The following DOCK2 variants were observed in gnomAD, a reference collection of about 807,000 sequenced individuals.
DOCK2 encodes the protein dedicator of cytokinesis protein 2.
DOCK2 carries 87 observed loss-of-function variants against 248.9 expected under a neutral mutation model. The ratio of observed to expected loss-of-function variants is 0.35; its 90% confidence interval spans 0.29 to 0.42. DOCK2 has a LOEUF of 0.42. Among genes scored for constraint, DOCK2 ranks in the 10% least tolerant of loss-of-function variants. DOCK2 has a pLI of 1.00. For missense variants in DOCK2, 1,747 were observed against 2,300.2 expected (o/e 0.76, Z 4.92); for synonymous variants, 805 against 821.6 (o/e 0.98, Z 0.35).
chr5:169,892,109 C>T (rs1253155707), intron 27 of DOCK2, among the ~76,000 whole-genome samples: 2 of 152,058 alleles, frequency 1.3e-5, no homozygotes, highest in African/African-American at 2.4e-5. Flanking sequence ...ATTCCTTTAG[C>T]GGTAAAATCA....
intron 26 of DOCK2, among the ~76,000 whole-genome samples, chr5:169,840,081 T>C (rs969594066): frequency 6.6e-6 from 1 of 152,180 alleles, no homozygotes. Context: ...AAGGTTTAAT[T>C]GGTTCCTGAT....
At chr5:169,840,670 G>A in intron 26 of DOCK2, 87 bp from the exon 27 acceptor site, 1 of 1,182,966 alleles carries the variant, frequency 8.5e-7, no homozygotes, top group Non-Finnish European at 1.2e-6. Flanking sequence ...AGATCACCAT[G>A]TCTGACCACT....
At chr5:169,961,604 T>C (rs938607300) in intron 27 of DOCK2, among the ~76,000 whole-genome samples, 2 of 152,306 alleles carry the variant, frequency 1.3e-5, no homozygotes, top group Admixed American at 6.5e-5. Context: ...AGACAAGCAC[T>C]AAACAAGTCT....
rs1365976539 is a variant in DOCK2 at position 170,056,843 on chromosome 5, GA to G, written c.4380+77del. On this transcript the variant is annotated intron_variant, in intron 43 of 51. Transcript: ENST00000520908. ...CCAGAGCATGCATCGGCCAGCCTCA[GA>G]ATGGGAAGGAACTTGATAGAAAGCC... is the stretch of plus-strand genomic sequence containing the variant. 8 of 1,341,610 alleles carry G rather than the reference GA, an allele frequency of 6.0e-6. No homozygotes were observed. In the African/African-American group the frequency reaches 8.7e-5, roughly 15 times the overall value. The allele number at this position is 1,341,610 out of a possible 1,614,324, so 83.1% of individuals were successfully genotyped here.
At chr5:169,725,914 A>G (rs1385717986) in intron 22 of DOCK2, among the ~76,000 whole-genome samples, 1 of 152,158 alleles carries the variant, frequency 6.6e-6, no homozygotes, top group Non-Finnish European at 1.5e-5. Context: ...ATTGATGGAC[A>G]TTTGGGTTGG....
At chr5:169,675,986 T>G (rs6886661) in intron 6 of DOCK2, among the ~76,000 whole-genome samples, 1,812 of 150,938 alleles carry the variant, frequency 0.012, 46 homozygotes, top group African/African-American at 0.042. Context: ...CAGCTGCTAC[T>G]GCCGTTGGTT....
At chr5:169,750,502 G>A (rs573748955) in intron 23 of DOCK2, among the ~76,000 whole-genome samples, 11 of 152,174 alleles carry the variant, frequency 7.2e-5, no homozygotes, top group Admixed American at 3.9e-4. Flanking sequence ...GTCTGCAAAA[G>A]AACAAATTAT....
intron 27 of DOCK2, among the ~76,000 whole-genome samples, chr5:169,944,439 G>C (rs986597632): frequency 6.6e-6 from 1 of 152,186 alleles, no homozygotes; most frequent in Non-Finnish European, 1.5e-5. Context: ...GGAGCCAGCC[G>C]TGACTCTGGA....
intron 26 of DOCK2, among the ~76,000 whole-genome samples, chr5:169,813,392 C>T (rs1767875956): frequency 6.6e-6 from 1 of 152,156 alleles, no homozygotes; most frequent in Non-Finnish European, 1.5e-5. Context: ...GCTGCTGTGC[C>T]TTGAAATCAA....
At chr5:169,773,772 C>T (rs1292430960) in intron 25 of DOCK2, among the ~76,000 whole-genome samples, 2 of 152,110 alleles carry the variant, frequency 1.3e-5, no homozygotes, top group African/African-American at 4.8e-5. Context: ...ATAATTCCCA[C>T]GTGTTGTGGG....
At chr5:169,955,837 G>A (rs184259380) in intron 27 of DOCK2, among the ~76,000 whole-genome samples, 44 of 152,280 alleles carry the variant, frequency 2.9e-4, no homozygotes, top group African/African-American at 1.0e-3. Flanking sequence ...CATCGATTCA[G>A]TTCCTTTTCA....
intron 14 of DOCK2, among the ~76,000 whole-genome samples, chr5:169,706,780 G>A (rs1761289861): frequency 6.6e-6 from 1 of 152,166 alleles, no homozygotes; most frequent in Non-Finnish European, 1.5e-5. Flanking sequence ...TTGGCTGCAA[G>A]TACTGTCAGT....
chr5:169,978,511 T>G (rs1435791301), intron 27 of DOCK2, among the ~76,000 whole-genome samples: 1 of 151,902 alleles, frequency 6.6e-6, no homozygotes, highest in Non-Finnish European at 1.5e-5. Flanking sequence ...TGATGATGAA[T>G]TTTTTAATGC....
At chr5:169,672,224 C>T (rs1265689586) in intron 5 of DOCK2, among the ~76,000 whole-genome samples, 1 of 151,866 alleles carries the variant, frequency 6.6e-6, no homozygotes, top group Non-Finnish European at 1.5e-5. Context: ...GTCAGGCTGG[C>T]CTTGAACTCC....
At chr5:169,781,818 T>C (rs1765730068) in intron 25 of DOCK2, among the ~76,000 whole-genome samples, 1 of 152,150 alleles carries the variant, frequency 6.6e-6, no homozygotes, top group Admixed American at 6.5e-5. Context: ...AGTCAGGACA[T>C]TGCCCCCTTT....
chr5:169,994,625 A>C (rs1456867937), intron 29 of DOCK2, among the ~76,000 whole-genome samples: 1 of 152,218 alleles, frequency 6.6e-6, no homozygotes, highest in Non-Finnish European at 1.5e-5. Flanking sequence ...GACCATGAAG[A>C]ATCCTGACTT....
chr5:169,841,470 CA>C, intron 27 of DOCK2: 1 of 985,314 alleles, frequency 1.0e-6, no homozygotes, highest in Non-Finnish European at 1.2e-6. Context: ...CAAATGCTTT[CA>C]GGGGCCAGTC....
chr5:169,874,655 T>C (rs1429590331), intron 27 of DOCK2, among the ~76,000 whole-genome samples: 1 of 152,106 alleles, frequency 6.6e-6, no homozygotes, highest in Non-Finnish European at 1.5e-5. Context: ...GGGCCGTTCT[T>C]AGCGTTTGGT....
chr5:169,637,976 C>T (rs1756931831), intron 1 of DOCK2, among the ~76,000 whole-genome samples: 1 of 152,114 alleles, frequency 6.6e-6, no homozygotes, highest in Non-Finnish European at 1.5e-5. Flanking sequence ...AAGAAGCTAG[C>T]TTCGTCAGCC....
Sources: gnomAD v4.1 joint callset for allele counts (sites outside exome capture counted in the v4.1 genomes callset) on GRCh38, gnomAD v4.1.1 for gene constraint, MANE v1.5 for transcripts, NCBI Gene and HGNC (gene_info 2026-07-23, HGNC 2026-07-21) for gene names.